AOAH: variants seen among roughly 807,000 people sequenced by gnomAD.
AOAH encodes acyloxyacyl hydrolase, also known as acyloxyacyl hydrolase (neutrophil).
In AOAH, 64 loss-of-function variants were observed where a neutral mutation model predicts 92.2. The ratio of observed to expected loss-of-function variants is 0.69; its 90% CI spans 0.57 to 0.86. AOAH has a LOEUF of 0.86. Among genes scored for constraint, AOAH ranks in the 40% least tolerant of loss-of-function variants. The pLI is 0.00. For synonymous variants in AOAH, 263 were observed against 254.5 expected (o/e 1.03, Z -0.32); for missense variants, 656 against 694.6 (o/e 0.94, Z 0.62).
chr7:36,568,171 T>C (rs900426718), intron 13 of AOAH, among the ~76,000 whole-genome samples: 3 of 152,040 alleles, frequency 2.0e-5, no homozygotes, highest in Admixed American at 6.6e-5. Flanking sequence ...AGGAAAAATA[T>C]GGTAAATAGG....
At chr7:36,615,881 C>CTTTT (rs34306027) in intron 11 of AOAH, among the ~76,000 whole-genome samples, 4 of 146,348 alleles carry the variant, frequency 2.7e-5, no homozygotes, top group East Asian at 2.0e-4. Flanking sequence ...TGGCCCTCTT[C>CTTTT]TTTTTTTTTT....
chr7:36,539,757 G>A (rs1274114904), intron 16 of AOAH, among the ~76,000 whole-genome samples: 1 of 152,124 alleles, frequency 6.6e-6, no homozygotes, highest in Non-Finnish European at 1.5e-5. Context: ...CAGGGTTAAG[G>A]ATCACACCTT....
At chr7:36,557,575 A>C (rs1465561425) in intron 13 of AOAH, among the ~76,000 whole-genome samples, 2 of 152,182 alleles carry the variant, frequency 1.3e-5, no homozygotes, top group African/African-American at 4.8e-5. Context: ...TATCCTGTAG[A>C]GTGTTTTCCA....
chr7:36,539,357 G>C (rs1489055597), intron 16 of AOAH, among the ~76,000 whole-genome samples: 1 of 152,202 alleles, frequency 6.6e-6, no homozygotes, highest in African/African-American at 2.4e-5. Flanking sequence ...ATGGGGCTGA[G>C]AGGAAGGTAC....
At chr7:36,630,677 T>C (rs189488425) in intron 6 of AOAH, among the ~76,000 whole-genome samples, 63 of 152,292 alleles carry the variant, frequency 4.1e-4, no homozygotes, top group African/African-American at 1.4e-3. Flanking sequence ...TTCTGAGACA[T>C]AGGCATAATT....
At chr7:36,608,856 C>T (rs1791189211) in intron 11 of AOAH, among the ~76,000 whole-genome samples, 1 of 130,670 alleles carries the variant, frequency 7.7e-6, no homozygotes, top group Non-Finnish European at 1.6e-5. Flanking sequence ...CCAGTTTGGA[C>T]AATAAATTAT....
rs114449062 is a variant in AOAH at position 36,671,906 on chromosome 7, G to A, written c.290+2037C>T. Among the ~76,000 whole-genome samples, 552 of 152,186 alleles carry A rather than the reference G, an allele frequency of 3.6e-3. 6 individuals are homozygous for A. Among genetic ancestry groups the A allele is most frequent in the African/African-American group, 0.013 (519 of 41,508 alleles). ...AGTTCCTGATGAGCCTTGTGTATGG[G>A]GCTAGGAGTCCTCCAGAGGATGTGA... On this transcript the variant is annotated intron_variant, in intron 3 of 20. Transcript: ENST00000617537.
At chr7:36,548,754 G>C (rs1739187037) in intron 14 of AOAH, 68 bp from the exon 15 acceptor site, 2 of 1,438,510 alleles carry the variant, frequency 1.4e-6, no homozygotes, top group East Asian at 2.3e-5. Context: ...CAGTGACACA[G>C]GCTGGGCCTT....
intron 11 of AOAH, among the ~76,000 whole-genome samples, chr7:36,609,691 C>T (rs990297102): frequency 2.0e-5 from 3 of 152,114 alleles, no homozygotes; most frequent in Admixed American, 1.3e-4. Context: ...TGCGGGGGAG[C>T]GTGTGCACAT....
At chr7:36,599,069 C>T (rs1443523790) in intron 11 of AOAH, among the ~76,000 whole-genome samples, 1 of 152,158 alleles carries the variant, frequency 6.6e-6, no homozygotes, top group African/African-American at 2.4e-5. Context: ...TTCAAAATTT[C>T]TTCTGACCTT....
Position 36,608,906 on chromosome 7 carries a change from GGGGA to G in AOAH, c.846+7470_846+7473del, listed in dbSNP as rs1562617139. Reference sequence around the variant, plus strand: ...TATTAATATTAGGAGCTGTTGCGGCGGGGAGGGGGGGGGGTCTGGTACAAAGAGA... The same window carrying G: ...TATTAATATTAGGAGCTGTTGCGGCGGGGGGGGGGGTCTGGTACAAAGAGA... On this transcript the variant is annotated intron_variant, in intron 11 of 20. Coordinates refer to ENST00000617537, the MANE Select transcript of AOAH (RefSeq NM_001637.4). 6.5e-3 allele frequency among the ~76,000 whole-genome samples: 729 copies of G among 112,610 alleles called. 13 individuals carry two copies. The highest frequency in any genetic ancestry group is 0.029 in the African/African-American group (668 of 23,028). The allele number at this position is 112,610 out of a possible 152,430, so 73.9% of individuals were successfully genotyped here. A position where few individuals can be genotyped will look rare whatever the true frequency, so the allele number is the denominator to read the frequency against.
chr7:36,642,089 C>A (rs971453515), intron 4 of AOAH, among the ~76,000 whole-genome samples: 1 of 152,032 alleles, frequency 6.6e-6, no homozygotes, highest in African/African-American at 2.4e-5. Context: ...GAGATCATAA[C>A]CCTGCAGAAG....
At chr7:36,640,888 G>A (rs1401535183) in intron 4 of AOAH, among the ~76,000 whole-genome samples, 1 of 152,184 alleles carries the variant, frequency 6.6e-6, no homozygotes, top group Non-Finnish European at 1.5e-5. Flanking sequence ...GAGCCTGCAG[G>A]AAGCTCATGG....
rs1187172197 is a variant in AOAH at position 36,516,383 on chromosome 7, C to A, written c.1600-3003G>T. 2.4e-5 allele frequency among the ~76,000 whole-genome samples: 3 copies of A among 122,806 alleles called. No individual in the cohort carries two copies. The highest frequency in any genetic ancestry group is 6.5e-5 in the African/African-American group (2 of 30,700). 80.6% of individuals were successfully genotyped at this position (122,806 alleles called of 152,430 possible). A position where few individuals can be genotyped will look rare whatever the true frequency, so the allele number is the denominator to read the frequency against. ...GAAAGCACACAGATACCACACACAC[C>A]CCCACAGAAAGCACACAGATACCAC... is the stretch of plus-strand genomic sequence containing the variant. On this transcript the variant is annotated intron_variant, in intron 20 of 20. Transcript: ENST00000617537. This position sits in a 1 kb window ranked among gnomAD's most constrained non-coding sequence, Gnocchi z 5.0.
intron 13 of AOAH, among the ~76,000 whole-genome samples, chr7:36,559,425 GTAA>G (rs1583819187): frequency 6.6e-6 from 1 of 152,092 alleles, no homozygotes; most frequent in East Asian, 1.9e-4. Context: ...TTCTGACTTT[GTAA>G]TAATAGCCAT....
intron 4 of AOAH, among the ~76,000 whole-genome samples, chr7:36,644,330 G>A (rs1311568358): frequency 6.6e-6 from 1 of 151,722 alleles, no homozygotes; most frequent in East Asian, 1.9e-4. Flanking sequence ...TAAACGGTGT[G>A]CTTTTTTTTT....
chr7:36,582,587 C>G (rs1789010111), intron 12 of AOAH, among the ~76,000 whole-genome samples: 1 of 152,192 alleles, frequency 6.6e-6, no homozygotes, highest in African/African-American at 2.4e-5. Flanking sequence ...ATGCCTTCCC[C>G]CACTGCATTT....
intron 4 of AOAH, among the ~76,000 whole-genome samples, chr7:36,643,420 G>A (rs564980822): frequency 4.6e-5 from 7 of 152,288 alleles, no homozygotes; most frequent in Non-Finnish European, 8.8e-5. Flanking sequence ...CCCATGGAGC[G>A]AGGATGGTTT....
chr7:36,616,527 TC>T, intron 10 of AOAH, 53 bp from the exon 11 acceptor site: 1 of 1,490,510 alleles, frequency 6.7e-7, no homozygotes, highest in Non-Finnish European at 9.3e-7. Context: ...GTTTGGAACC[TC>T]CAGACTGGGT....
Sources: allele counts gnomAD v4.1 joint callset (sites outside exome capture counted in the v4.1 genomes callset), GRCh38; gene constraint gnomAD v4.1.1; non-coding constraint Gnocchi (gnomAD v3.1); transcripts MANE v1.5; gene names NCBI Gene and HGNC (gene_info 2026-07-23, HGNC 2026-07-21).